The following KIF1C variants were observed in gnomAD, a reference collection of about 807,000 sequenced individuals.
KIF1C encodes kinesin-like protein KIF1C.
A neutral mutation model predicts 126.5 loss-of-function variants in KIF1C; 61 were observed. That is an observed-to-expected ratio of 0.48 (90% CI 0.39 to 0.60). The LOEUF is 0.60. KIF1C is among the 20% of genes least tolerant of loss of function. KIF1C has a pLI of 0.00. For synonymous variants in KIF1C, 640 were observed against 580.6 expected (o/e 1.10, Z -1.47); for missense variants, 1,315 against 1,489.2 (o/e 0.88, Z 1.93).
At chr17:5,016,562 A>C (rs1034840097) in intron 18 of KIF1C, among the ~76,000 whole-genome samples, 2 of 151,814 alleles carry the variant, frequency 1.3e-5, no homozygotes, top group Admixed American at 1.3e-4. Flanking sequence ...GCACATTTTA[A>C]AAAATAACAA....
chr17:5,007,454 C>T lies in KIF1C; in HGVS notation c.1416-13C>T. 6.2e-7 allele frequency: 1 copy of T among 1,602,528 alleles called. No homozygotes were observed. Among genetic ancestry groups the T allele is most frequent in the Middle Eastern group, 1.7e-4 (1 of 5,982 alleles). ...GAAGGTAAGACTGACATTTGCCTCTCCTCTGCCCACAGAGAAGCATTGCTG... is the reference window on the plus strand; with the variant it reads ...GAAGGTAAGACTGACATTTGCCTCTTCTCTGCCCACAGAGAAGCATTGCTG... On this transcript the variant is annotated splice_polypyrimidine_tract_variant and intron_variant, in intron 15 of 22. Coordinates refer to ENST00000320785, the MANE Select transcript of KIF1C (RefSeq NM_006612.6).
At chr17:5,018,077 T>G (rs1277851064) in intron 18 of KIF1C, among the ~76,000 whole-genome samples, 1 of 151,894 alleles carries the variant, frequency 6.6e-6, no homozygotes, top group Non-Finnish European at 1.5e-5. Flanking sequence ...ACCTCCCGGG[T>G]TAAAGTGATC....
At chr17:5,000,739 A>G in intron 3 of KIF1C, 33 bp from the exon 4 acceptor site, 2 of 1,606,000 alleles carry the variant, frequency 1.2e-6, no homozygotes, top group Non-Finnish European at 1.7e-6. Context: ...CCTGACCTTG[A>G]CTTTCCTTCC....
At chr17:5,005,624 T>G (rs1974709510) in intron 13 of KIF1C, among the ~76,000 whole-genome samples, 1 of 152,210 alleles carries the variant, frequency 6.6e-6, no homozygotes, top group South Asian at 2.1e-4. Flanking sequence ...TGAGGGATTT[T>G]CTTGCAGAAG....
At position 5,002,481 on chromosome 17, in the gene KIF1C, C is replaced by T. The variant is rs767820925; in HGVS notation, c.447C>T (p.Ile149=). 147 of 1,603,100 alleles carry T rather than the reference C, an allele frequency of 9.2e-5. No individual in the cohort carries two copies. Among genetic ancestry groups the T allele is most frequent in the Admixed American group, 1.7e-4 (10 of 58,622 alleles). The change falls in exon 7 of 23, where the codon ATC becomes ATT. Residue 149 remains isoleucine (I), a synonymous_variant. Transcript: ENST00000320785. Reference sequence around the variant, plus strand: ...CCACTCAGGTGAGCTATATGGAGATCTACTGTGAGCGGGTACGAGACCTCT... The same window carrying T: ...CCACTCAGGTGAGCTATATGGAGATTTACTGTGAGCGGGTACGAGACCTCT... ...SYSVEVSYME[I]YCERVRDLLN...
In KIF1C at chr17:5,022,002, G is replaced by A; in HGVS notation, c.2011-90G>A. On this transcript the variant is annotated intron_variant, in intron 21 of 22. Coordinates refer to ENST00000320785, the MANE Select transcript of KIF1C (RefSeq NM_006612.6). The surrounding 1 kb of genome is among the most constrained non-coding windows in gnomAD (Gnocchi z 4.9). ...TGAACCCAGGCTCCCTGATGGGCGTGTTTCCAGTGTACTTAGGACACACTG... is the reference window on the plus strand; with the variant it reads ...TGAACCCAGGCTCCCTGATGGGCGTATTTCCAGTGTACTTAGGACACACTG... 1.4e-6 allele frequency: 2 copies of A among 1,424,364 alleles called. No individual in the cohort carries two copies. The highest frequency in any genetic ancestry group is 1.9e-6 in the Non-Finnish European group (2 of 1,062,626). 88.2% of individuals were successfully genotyped at this position (1,424,364 alleles called of 1,614,324 possible).
chr17:5,022,222 C>T lies in KIF1C; in HGVS notation c.2141C>T (p.Pro714Leu). The change falls in exon 22 of 23, where the codon CCC (proline) becomes CTC (leucine). Residue 714 changes from proline to leucine, a missense_variant. By Grantham distance (98) the Pro-to-Leu change is moderately conservative. Coordinates refer to ENST00000320785, the MANE Select transcript of KIF1C (RefSeq NM_006612.6). The surrounding 1 kb of genome is among the most constrained non-coding windows in gnomAD (Gnocchi z 4.9). ...VQTIVKRCGL[P>L]SSGKRRAPRR... Reference sequence around the variant, plus strand: ...ACCATTGTCAAACGCTGTGGTCTGCCCAGCAGTGGCAAGCGCAGGGCCCCT... The same window carrying T: ...ACCATTGTCAAACGCTGTGGTCTGCTCAGCAGTGGCAAGCGCAGGGCCCCT... The T allele has an allele frequency of 6.2e-7, 1 of 1,614,168 alleles. No homozygotes were observed. Among genetic ancestry groups the T allele is most frequent in the African/African-American group, 1.3e-5 (1 of 75,074 alleles).
intron 5 of KIF1C, among the ~76,000 whole-genome samples, chr17:5,001,812 C>G (rs1385218121): frequency 6.6e-6 from 1 of 152,246 alleles, no homozygotes; most frequent in Non-Finnish European, 1.5e-5. Context: ...AGCAACCTGG[C>G]ACACGGGCTT....
At chr17:5,002,912 T>G in intron 8 of KIF1C, 70 bp downstream of exon 8, 1 of 1,261,048 alleles carries the variant, frequency 7.9e-7, no homozygotes, top group Non-Finnish European at 1.1e-6. Flanking sequence ...AGTGACATGG[T>G]AGAAGGGTCT....
intron 18 of KIF1C, 40 bp downstream of exon 18, chr17:5,014,877 A>C (rs1356676901): frequency 6.7e-7 from 1 of 1,489,946 alleles, no homozygotes. Context: ...ACAGGGAGAG[A>C]GGCCCCATGT....
At chr17:5,016,816 G>A (rs1974981002) in intron 18 of KIF1C, among the ~76,000 whole-genome samples, 1 of 150,814 alleles carries the variant, frequency 6.6e-6, no homozygotes, top group Admixed American at 6.6e-5. Flanking sequence ...TGAGACAGGA[G>A]AATTGCTTGA....
chr17:5,009,183 GTTC>G (rs1459923947), intron 16 of KIF1C, among the ~76,000 whole-genome samples: 11 of 150,972 alleles, frequency 7.3e-5, no homozygotes, highest in African/African-American at 2.7e-4. Flanking sequence ...TTCATTATGA[GTTC>G]TTTTTTTTTT....
At position 5,022,397 on chromosome 17, in the gene KIF1C, G is replaced by A. The variant is rs1157466478; in HGVS notation, c.2316G>A (p.Glu772=). Residue 772 remains glutamate (E), a synonymous_variant, in exon 22 of 23, where the codon GAG becomes GAA. Coordinates refer to ENST00000320785, the MANE Select transcript of KIF1C (RefSeq NM_006612.6). The surrounding 1 kb of genome is among the most constrained non-coding windows in gnomAD (Gnocchi z 4.9). ...ADFRHGRAEI[E]ALAALKMREL... is the part of the protein sequence containing the mutation. ...TCCGCCACGGGCGGGCTGAGATTGA[G>A]GCCCTGGCCGCCCTCAAGATGCGGG... The A allele has an allele frequency of 6.3e-7, 1 of 1,579,316 alleles. No homozygotes were observed. Among genetic ancestry groups the A allele is most frequent in the East Asian group, 2.3e-5 (1 of 43,028 alleles).
chr17:5,002,875 G>A, intron 8 of KIF1C, 33 bp downstream of exon 8: 1 of 1,499,324 alleles, frequency 6.7e-7, no homozygotes. Flanking sequence ...TCCCCCACCG[G>A]ATGCAACCTC....
In KIF1C at chr17:5,023,161, C is replaced by CCT. The variant is rs1365022597; in HGVS notation, c.2629-307_2629-306insCT. On this transcript the variant is annotated intron_variant, in intron 22 of 22. Coordinates refer to ENST00000320785, the MANE Select transcript of KIF1C (RefSeq NM_006612.6). The surrounding 1 kb of genome is among the most constrained non-coding windows in gnomAD (Gnocchi z 4.2). ...TCCTGAGTAGCTGGGACTACAGGCG[C>CCT]GCACCACCACACCCGGCTAATTTTT... Among the ~76,000 whole-genome samples the CCT allele has an allele frequency of 4.5e-3, 692 of 152,090 alleles. 7 individuals carry two copies. Among genetic ancestry groups the CCT allele is most frequent in the African/African-American group, 0.016 (643 of 41,468 alleles).
rs758285253 is a variant in KIF1C, at chr17:5,002,493, G to A, written c.459G>A (p.Arg153=). ...EVSYMEIYCE[R]VRDLLNPKSR... ...GCTATATGGAGATCTACTGTGAGCGGGTACGAGACCTCTTGAACCCCAAGA... is the reference window on the plus strand; with the variant it reads ...GCTATATGGAGATCTACTGTGAGCGAGTACGAGACCTCTTGAACCCCAAGA... Residue 153 remains arginine (R), a synonymous_variant, in exon 7 of 23, where the codon CGG becomes CGA. Coordinates refer to ENST00000320785, the MANE Select transcript of KIF1C (RefSeq NM_006612.6). 1 of 1,609,602 alleles carries A rather than the reference G, an allele frequency of 6.2e-7. No homozygotes were observed. The highest frequency in any genetic ancestry group is 8.5e-7 in the Non-Finnish European group (1 of 1,176,644).
At position 5,002,821 on chromosome 17, in the gene KIF1C, C is replaced by G. The variant is rs1167806536; in HGVS notation, c.699C>G (p.Leu233=). ...TCACACAGCGCTGCCATGACCAGCTCACGGGGCTGGACTCGGAGAAGGTGG... is the reference window on the plus strand; with the variant it reads ...TCACACAGCGCTGCCATGACCAGCTGACGGGGCTGGACTCGGAGAAGGTGG... ...IVFTQRCHDQ[L]TGLDSEKVSK... The change falls in exon 8 of 23, where the codon CTC becomes CTG. Residue 233 remains leucine (L), a synonymous_variant. Transcript: ENST00000320785. 1.2e-6 allele frequency: 2 copies of G among 1,612,610 alleles called. No homozygotes were observed. The highest frequency in any genetic ancestry group is 2.7e-5 in the African/African-American group (2 of 74,528).
intron 1 of KIF1C, among the ~76,000 whole-genome samples, 194 bp from the exon 2 acceptor site, chr17:4,999,656 C>T (rs1974524545): frequency 6.6e-6 from 1 of 152,156 alleles, no homozygotes; most frequent in South Asian, 2.1e-4. Flanking sequence ...ACGTTCAGTA[C>T]ATTTGCGAGT....
In KIF1C at chr17:5,024,055, GC is replaced by G. The variant is rs1975154551; in HGVS notation, c.3221del (p.Pro1074GlnfsTer14). 7 of 1,583,944 alleles carry G rather than the reference GC, an allele frequency of 4.4e-6. No individual in the cohort carries two copies. Among genetic ancestry groups the G allele is most frequent in the East Asian group, 2.3e-5 (1 of 44,358 alleles). The part of the protein sequence containing the change: ...QPPQPYPAQR[P>X]PGPRYPPYTT... ...CACCCCAACCCTACCCAGCCCAGCG[GC>G]CCCCAGGGCCCCGCTACCCCCCATA... On this transcript the variant is annotated frameshift_variant, in exon 23 of 23. Transcript: ENST00000320785. LOFTEE classifies it high-confidence loss of function.
Sources: allele counts gnomAD v4.1 joint callset (sites outside exome capture counted in the v4.1 genomes callset), GRCh38; gene constraint gnomAD v4.1.1; non-coding constraint Gnocchi (gnomAD v3.1); transcripts MANE v1.5; gene names NCBI Gene and HGNC (gene_info 2026-07-23, HGNC 2026-07-21).